Variants in RASGEF1A observed in about 807,000 individuals in gnomAD.
The protein encoded by RASGEF1A is ras-GEF domain-containing family member 1A.
Under a neutral mutation model 56.4 loss-of-function variants are expected in RASGEF1A, and 18 were observed. That is an observed-to-expected ratio of 0.32 (90% CI 0.22 to 0.47). The LOEUF is 0.47. RASGEF1A is among the 20% of genes least tolerant of loss of function. The pLI is 1.00. For synonymous variants in RASGEF1A, 245 were observed against 242.6 expected, an observed-to-expected ratio of 1.01 and a Z score of -0.09; for missense variants, 422 against 627.1, an observed-to-expected ratio of 0.67 and a Z score of 3.49.
chr10:43,264,368 A>AG (rs1836587535), intron 1 of RASGEF1A, among the ~76,000 whole-genome samples: 1 of 147,996 alleles, frequency 6.8e-6, no homozygotes, highest in Admixed American at 6.7e-5. Flanking sequence ...TGACAGCCAT[A>AG]GGGGAGGGCC....
chr10:43,207,281 A>C, intron 1 of RASGEF1A: 1 of 985,564 alleles, frequency 1.0e-6, no homozygotes. Flanking sequence ...CCCACTGCAC[A>C]GAGCAAATTG....
chr10:43,208,442 C>T, intron 1 of RASGEF1A: 1 of 985,630 alleles, frequency 1.0e-6, no homozygotes, highest in Non-Finnish European at 1.2e-6. Flanking sequence ...TCCTGGGGAC[C>T]CAGCCCACTG....
rs1210906599 is a variant in RASGEF1A, at chr10:43,197,097, T to C, written c.1227A>G (p.Lys409=). ...HLPNGHINFK[K]FWEISRQIHE... ...GGATCTGTCTGGAGATCTCCCAGAA[T>C]TTCTGAAGGGAGCAAAACCAACTGA... The change falls in exon 11 of 13, where the codon AAA becomes AAG. Residue 409 remains lysine, a splice_region_variant and synonymous_variant. Coordinates refer to ENST00000395810, the MANE Select transcript of RASGEF1A (RefSeq NM_145313.4). 1.9e-6 allele frequency: 3 copies of C among 1,613,640 alleles called. No homozygotes were observed. The highest frequency in any genetic ancestry group is 2.5e-6 in the Non-Finnish European group (3 of 1,179,892).
At chr10:43,232,777 G>A (rs1307300130) in intron 1 of RASGEF1A, among the ~76,000 whole-genome samples, 4 of 152,090 alleles carry the variant, frequency 2.6e-5, no homozygotes, top group East Asian at 3.9e-4. Flanking sequence ...ATGAGCCACC[G>A]TGCCCGGCCA....
chr10:43,240,788 GA>G (rs535060047), intron 1 of RASGEF1A, among the ~76,000 whole-genome samples: 18 of 151,864 alleles, frequency 1.2e-4, no homozygotes, highest in South Asian at 2.1e-4. Context: ...AAATAAGGCA[GA>G]AAAAAAATAT....
At chr10:43,248,678 G>A (rs1314812002) in intron 1 of RASGEF1A, among the ~76,000 whole-genome samples, 3 of 151,970 alleles carry the variant, frequency 2.0e-5, no homozygotes, top group Non-Finnish European at 2.9e-5. Context: ...GTGTGTTTGG[G>A]GTTTCCCCTT....
chr10:43,225,319 G>C (rs908488685), intron 1 of RASGEF1A, among the ~76,000 whole-genome samples: 5 of 147,660 alleles, frequency 3.4e-5, no homozygotes, highest in Non-Finnish European at 5.9e-5. Flanking sequence ...GTGTCTGTGT[G>C]TCTGTGTCTC....
intron 1 of RASGEF1A, among the ~76,000 whole-genome samples, chr10:43,253,833 A>T (rs983178722): frequency 1.3e-4 from 20 of 152,266 alleles, no homozygotes; most frequent in African/African-American, 4.3e-4. Flanking sequence ...GATAAGAAGC[A>T]TGTGGTGCGG....
At chr10:43,202,633 T>G (rs776285569) in intron 3 of RASGEF1A, 2 of 465,510 alleles carry the variant, frequency 4.3e-6, no homozygotes, top group South Asian at 3.1e-5. Flanking sequence ...CTCAGACCGC[T>G]GGACCCCGCC....
At position 43,200,830 on chromosome 10, in the gene RASGEF1A, A is replaced by C; in HGVS notation, c.518T>G (p.Leu173Trp). 1 of 1,613,990 alleles carries C rather than the reference A, an allele frequency of 6.2e-7. No individual in the cohort carries two copies. Among genetic ancestry groups the C allele is most frequent in the Non-Finnish European group, 8.5e-7 (1 of 1,180,020 alleles). The change falls in exon 5 of 13, where the codon TTG becomes TGG. Residue 173 changes from leucine (L) to tryptophan (W), a missense_variant. Transcript: ENST00000395810. The part of the protein sequence containing the change: ...AQMTQSLLLS[L>W]AARSQLQELR... ...TTCCTGGAGCTGGCTCCGGGCAGCC[A>C]AGGACAGCAACAGGCTCTGTGTCAT...
rs763702700 is a variant in RASGEF1A, at chr10:43,197,087, T to G, written c.1237A>C (p.Ile413Leu). 2 of 1,613,406 alleles carry G rather than the reference T, an allele frequency of 1.2e-6. No individual in the cohort carries two copies. The highest frequency in any genetic ancestry group is 1.7e-6 in the Non-Finnish European group (2 of 1,179,818). Residue 413 changes from isoleucine (I) to leucine (L), a missense_variant, in exon 11 of 13, where the codon ATC becomes CTC. This residue lies in a region of RASGEF1A where 149 missense variants were observed against 287.2 expected (regional missense o/e 0.52). Coordinates refer to ENST00000395810, the MANE Select transcript of RASGEF1A (RefSeq NM_145313.4). Reference sequence around the variant, plus strand: ...ATGAACTCATGGATCTGTCTGGAGATCTCCCAGAATTTCTGAAGGGAGCAA... The same window carrying G: ...ATGAACTCATGGATCTGTCTGGAGAGCTCCCAGAATTTCTGAAGGGAGCAA... Reference protein sequence around the residue: ...GHINFKKFWEISRQIHEFMTW... With the variant: ...GHINFKKFWELSRQIHEFMTW...
chr10:43,227,938 T>G (rs1460776729), intron 1 of RASGEF1A, among the ~76,000 whole-genome samples: 3 of 152,096 alleles, frequency 2.0e-5, no homozygotes, highest in Non-Finnish European at 4.4e-5. Context: ...CCTCCTTCTC[T>G]GCCATCTCCC....
chr10:43,199,435 C>A (rs1161615737), intron 7 of RASGEF1A, among the ~76,000 whole-genome samples: 1 of 152,172 alleles, frequency 6.6e-6, no homozygotes, highest in Non-Finnish European at 1.5e-5. Context: ...GCTGGCAAAG[C>A]CTCACACAGG....
At chr10:43,197,709 A>G (rs1373539614) in intron 10 of RASGEF1A, among the ~76,000 whole-genome samples, 1 of 152,218 alleles carries the variant, frequency 6.6e-6, no homozygotes, top group Non-Finnish European at 1.5e-5. Context: ...AGGGGTGGAC[A>G]GGGCTCTCTC....
intron 1 of RASGEF1A, among the ~76,000 whole-genome samples, 177 bp downstream of exon 1, chr10:43,266,668 C>A (rs1836630509): frequency 6.8e-6 from 1 of 147,018 alleles, no homozygotes; most frequent in Non-Finnish European, 1.5e-5. Flanking sequence ...CGGCCGCCCT[C>A]CCCGCGCGCG....
chr10:43,197,947 G>T, intron 10 of RASGEF1A, 57 bp downstream of exon 10: 1 of 1,463,666 alleles, frequency 6.8e-7, no homozygotes, highest in Non-Finnish European at 9.4e-7. Context: ...AATGCCTGGC[G>T]GCTCCAGTAG....
At chr10:43,252,251 C>A (rs1588951321) in intron 1 of RASGEF1A, among the ~76,000 whole-genome samples, 1 of 152,206 alleles carries the variant, frequency 6.6e-6, no homozygotes, top group African/African-American at 2.4e-5. Flanking sequence ...ACATCGTGGA[C>A]ACATCTTTAG....
At chr10:43,207,600 G>A in intron 1 of RASGEF1A, 1 of 985,628 alleles carries the variant, frequency 1.0e-6, no homozygotes, top group Non-Finnish European at 1.2e-6. Flanking sequence ...GACGCTGGGT[G>A]GAATGTCCAG....
intron 1 of RASGEF1A, among the ~76,000 whole-genome samples, chr10:43,241,981 CA>C (rs1450788365): frequency 2.6e-5 from 4 of 151,840 alleles, no homozygotes; most frequent in East Asian, 1.9e-4. Flanking sequence ...ACTAAAAATA[CA>C]AAAAAATTAG....
Sources: gnomAD v4.1 joint callset for allele counts (sites outside exome capture counted in the v4.1 genomes callset) on GRCh38, gnomAD v4.1.1 for gene constraint, gnomAD v4.1.1 regional missense constraint, MANE v1.5 for transcripts, NCBI Gene and HGNC (gene_info 2026-07-23, HGNC 2026-07-21) for gene names.